The following JARID2 variants were observed in gnomAD, a reference collection of about 807,000 sequenced individuals.
JARID2 encodes jumonji and AT-rich interaction domain containing 2.
In JARID2, 21 loss-of-function variants were observed where a neutral mutation model predicts 125.6. The ratio of observed to expected loss-of-function variants is 0.17; its 90% CI spans 0.12 to 0.24. The LOEUF (loss-of-function observed/expected upper bound fraction) is 0.24. Among genes scored for constraint, JARID2 ranks in the 10% least tolerant of loss-of-function variants. JARID2 has a pLI of 1.00. For synonymous variants in JARID2, 736 were observed against 661.6 expected, an observed-to-expected ratio of 1.11 and a Z score of -1.73; for missense variants, 1,303 against 1,639.6, an observed-to-expected ratio of 0.79 and a Z score of 3.55.
intron 1 of JARID2, chr6:15,315,062 C>A (rs1275289603): frequency 6.6e-6 from 1 of 152,066 alleles, no homozygotes; most frequent in Non-Finnish European, 1.5e-5. Context: ...TATGCAGTTT[C>A]TAAAATTGAA....
At chr6:15,339,324 C>G (rs1247644609) in intron 1 of JARID2, among the ~76,000 whole-genome samples, 1 of 152,056 alleles carries the variant, frequency 6.6e-6, no homozygotes, top group Non-Finnish European at 1.5e-5. Flanking sequence ...ACAGCTAATC[C>G]TAAAGGATAA....
intron 1 of JARID2, among the ~76,000 whole-genome samples, chr6:15,324,183 GAA>G (rs549599553): frequency 1.1e-5 from 1 of 89,440 alleles, no homozygotes; most frequent in Non-Finnish European, 2.4e-5. Flanking sequence ...TGTCTCAAAA[GAA>G]AAAAAAAAAC....
chr6:15,408,718 T>C (rs978657426), intron 2 of JARID2, among the ~76,000 whole-genome samples: 11 of 152,218 alleles, frequency 7.2e-5, no homozygotes, highest in Non-Finnish European at 1.2e-4. Flanking sequence ...AAATTAAAAT[T>C]TATTTTCTTA....
At chr6:15,307,335 G>A (rs1227987369) in intron 1 of JARID2, among the ~76,000 whole-genome samples, 1 of 151,834 alleles carries the variant, frequency 6.6e-6, no homozygotes, top group Non-Finnish European at 1.5e-5. Flanking sequence ...TGATTCTCCT[G>A]CCTCAGCCTC....
intron 1 of JARID2, among the ~76,000 whole-genome samples, chr6:15,373,552 TCTC>T (rs1341244999): frequency 2.0e-5 from 3 of 152,208 alleles, no homozygotes; most frequent in African/African-American, 7.2e-5. Flanking sequence ...TGCAGTACTC[TCTC>T]CTTTTATTTG....
intron 12 of JARID2, among the ~76,000 whole-genome samples, chr6:15,511,076 A>T (rs1033179627): frequency 1.3e-5 from 2 of 152,216 alleles, no homozygotes; most frequent in Non-Finnish European, 2.9e-5. Flanking sequence ...ACGCGGATGC[A>T]CTGTGGTTTG....
chr6:15,467,672 T>C (rs1342247672), intron 4 of JARID2, among the ~76,000 whole-genome samples: 4 of 152,038 alleles, frequency 2.6e-5, no homozygotes, highest in Non-Finnish European at 5.9e-5. Flanking sequence ...CAAGACTCCA[T>C]CTCCCCACAA....
intron 1 of JARID2, among the ~76,000 whole-genome samples, chr6:15,334,475 T>C (rs887366864): frequency 6.6e-6 from 1 of 152,228 alleles, no homozygotes; most frequent in Non-Finnish European, 1.5e-5. Context: ...TTTCCATTCA[T>C]TCCCTGCCAC....
chr6:15,283,266 CTG>C (rs1376885948), intron 1 of JARID2, among the ~76,000 whole-genome samples: 30 of 150,542 alleles, frequency 2.0e-4, no homozygotes, highest in South Asian at 6.3e-4. Context: ...GTGTGAGCCA[CTG>C]CGCCCGGCCG....
At chr6:15,357,075 C>T (rs921627292) in intron 1 of JARID2, among the ~76,000 whole-genome samples, 1 of 152,204 alleles carries the variant, frequency 6.6e-6, no homozygotes, top group African/African-American at 2.4e-5. Context: ...GCTATGTGTT[C>T]TAAGTACCTT....
intron 1 of JARID2, among the ~76,000 whole-genome samples, chr6:15,370,636 C>T (rs1561818691): frequency 6.6e-6 from 1 of 151,928 alleles, no homozygotes; most frequent in Non-Finnish European, 1.5e-5. Context: ...CCACCGCGCC[C>T]GGCCATATCT....
intron 3 of JARID2, among the ~76,000 whole-genome samples, chr6:15,427,756 CTTA>C (rs1766792595): frequency 6.6e-6 from 1 of 152,054 alleles, no homozygotes; most frequent in East Asian, 1.9e-4. Flanking sequence ...TTCCTGGCAT[CTTA>C]CGTGAAAGGC....
At chr6:15,516,246 C>T (rs1400762354) in intron 16 of JARID2, among the ~76,000 whole-genome samples, 2 of 152,228 alleles carry the variant, frequency 1.3e-5, no homozygotes, top group African/African-American at 4.8e-5. Context: ...AGTCCTTCCC[C>T]TCAAGCTTTC....
chr6:15,408,023 G>A (rs112251246), intron 2 of JARID2, among the ~76,000 whole-genome samples: 4,686 of 152,096 alleles, frequency 0.031, 239 homozygotes, highest in African/African-American at 0.11. Flanking sequence ...CAGCACTTTG[G>A]GAGGCTGAGG....
intron 2 of JARID2, among the ~76,000 whole-genome samples, chr6:15,387,592 T>C (rs1764837516): frequency 6.6e-6 from 1 of 152,086 alleles, no homozygotes; most frequent in South Asian, 2.1e-4. Flanking sequence ...TTGTGGGGAG[T>C]ACATTACAGT....
At chr6:15,248,196 C>T (rs1375460012) in intron 1 of JARID2, 1 of 620,362 alleles carries the variant, frequency 1.6e-6, no homozygotes, top group Non-Finnish European at 2.0e-6. Flanking sequence ...CCGGTGTTCC[C>T]GACGTCCTCG....
chr6:15,515,052 T>C (rs947254766), intron 16 of JARID2, among the ~76,000 whole-genome samples: 20 of 152,196 alleles, frequency 1.3e-4, no homozygotes, highest in South Asian at 1.0e-3. Context: ...CTGTTCTTTT[T>C]TTTTTTTGTT....
intron 1 of JARID2, among the ~76,000 whole-genome samples, chr6:15,348,092 T>C (rs1763302148): frequency 6.8e-6 from 1 of 147,986 alleles, no homozygotes. Context: ...TATTTTTGTT[T>C]TGTTCTGTTT....
intron 4 of JARID2, among the ~76,000 whole-genome samples, chr6:15,462,145 G>A (rs977015393): frequency 6.6e-6 from 1 of 152,108 alleles, no homozygotes; most frequent in African/African-American, 2.4e-5. Flanking sequence ...TGATACAATG[G>A]AGATAAATTA....
Sources: allele counts gnomAD v4.1 joint callset (sites outside exome capture counted in the v4.1 genomes callset), GRCh38; gene constraint gnomAD v4.1.1; transcripts MANE v1.5; gene names NCBI Gene and HGNC (gene_info 2026-07-23, HGNC 2026-07-21).